Variants in SLC16A5 observed in about 807,000 individuals in gnomAD.
SLC16A5 encodes the protein monocarboxylate transporter 6.
SLC16A5 carries 29 observed loss-of-function variants against 33.2 expected under a neutral mutation model. The ratio of observed to expected loss-of-function variants is 0.87; its 90% CI spans 0.65 to 1.19. SLC16A5 has a LOEUF of 1.19. Ranked by LOEUF, SLC16A5 falls within the 50% of genes most tolerant of loss-of-function variation. SLC16A5 has a pLI of 0.00. For missense variants in SLC16A5, 606 were observed against 678.2 expected, an observed-to-expected ratio of 0.89 and a Z score of 1.18; for synonymous variants, 248 against 284.1, an observed-to-expected ratio of 0.87 and a Z score of 1.28.
At chr17:75,107,531 G>T (rs530099487), downstream of SLC16A5, among the ~76,000 whole-genome samples, 3 of 152,360 alleles carry the variant, frequency 2.0e-5, no homozygotes, top group South Asian at 2.1e-4. Flanking sequence ...CTGGCTGGGT[G>T]CGGTGGCTCA....
At position 75,100,456 on chromosome 17, in the gene SLC16A5, T is replaced by A. The variant is rs764627509; in HGVS notation, c.793T>A (p.Trp265Arg). Reference sequence around the variant, plus strand: ...AGTCTTCCTGGTGCCATATGCCATGTGGCACAGCGTGGACGAGCAGCAGGC... The same window carrying A: ...AGTCTTCCTGGTGCCATATGCCATGAGGCACAGCGTGGACGAGCAGCAGGC... ...PQVFLVPYAM[W>R]HSVDEQQAAL... The change falls in exon 5 of 7, where the codon TGG (tryptophan) becomes AGG (arginine). Residue 265 changes from tryptophan (W) to arginine (R), a missense_variant. By Grantham distance (101) the Trp-to-Arg change is moderately radical. Coordinates refer to ENST00000329783, the MANE Select transcript of SLC16A5 (RefSeq NM_004695.4). 1 of 1,614,270 alleles carries A rather than the reference T, an allele frequency of 6.2e-7. No individual in the cohort carries two copies. Among genetic ancestry groups the A allele is most frequent in the South Asian group, 1.1e-5 (1 of 91,092 alleles).
chr17:75,088,633 G>A (rs1189722937), intron 1 of SLC16A5, among the ~76,000 whole-genome samples: 4 of 152,108 alleles, frequency 2.6e-5, no homozygotes, highest in Non-Finnish European at 5.9e-5. Flanking sequence ...CAGGGCTCCA[G>A]CCCAGGAGCC....
At position 75,098,158 on chromosome 17, in the gene SLC16A5, A is replaced by G. The variant is rs771537934; in HGVS notation, c.320A>G (p.Tyr107Cys). 5.6e-6 allele frequency: 9 copies of G among 1,612,668 alleles called. No homozygotes were observed. In the Admixed American group the frequency reaches 1.0e-4, roughly 18 times the overall value. The change falls in exon 4 of 7, where the codon TAC becomes TGC. Residue 107 changes from tyrosine (Y) to cysteine (C), a missense_variant. Physicochemically the swap from Tyr to Cys is radical, Grantham distance 194. Transcript: ENST00000329783. ...SSFSHNLSQL[Y>C]FTAGFITGLG... ...TTCTCTCACAACCTCAGCCAGCTCT[A>G]CTTCACAGCAGGATTCATCACAGGT... is the stretch of plus-strand genomic sequence containing the variant.
chr17:75,103,988 C>A lies in SLC16A5; in HGVS notation c.1172C>A (p.Thr391Asn), dbSNP rs1228946025. The A allele has an allele frequency of 4.3e-6, 7 of 1,614,004 alleles. No individual in the cohort carries two copies. Among genetic ancestry groups the A allele is most frequent in the Non-Finnish European group, 4.2e-6 (5 of 1,179,984 alleles). Residue 391 changes from threonine (T) to asparagine (N), a missense_variant, in exon 6 of 7, where the codon ACC (threonine) becomes AAC (asparagine). Physicochemically the swap from Thr to Asn is moderately conservative, Grantham distance 65 (BLOSUM62 0). Transcript: ENST00000329783. Reference sequence around the variant, plus strand: ...TCCCCAGGGTTGCTCCTGGACGCCACCAACAACTTTAGCTATGTTTTCTAC... The same window carrying A: ...TCCCCAGGGTTGCTCCTGGACGCCAACAACAACTTTAGCTATGTTTTCTAC... Reference protein sequence around the residue: ...PPLAGLLLDATNNFSYVFYMS... With the variant: ...PPLAGLLLDANNNFSYVFYMS...
rs1415570436 is a variant in SLC16A5, at chr17:75,100,407, C to T, written c.744C>T (p.Ser248=). ...TGTACATACTGGGTGTGATGTGGTC[C>T]GTCCTGGGCTTCCCACTGCCACAAG... The part of the protein sequence containing the change: ...YCVYILGVMW[S]VLGFPLPQVF... Residue 248 remains serine, a synonymous_variant, in exon 5 of 7, where the codon TCC becomes TCT. Coordinates refer to ENST00000329783, the MANE Select transcript of SLC16A5 (RefSeq NM_004695.4). 15 of 1,614,110 alleles carry T rather than the reference C, an allele frequency of 9.3e-6. No individual in the cohort carries two copies. The highest frequency in any genetic ancestry group is 4.5e-5 in the East Asian group (2 of 44,898).
chr17:75,103,160 A>G (rs2073821192), intron 5 of SLC16A5, among the ~76,000 whole-genome samples: 1 of 152,014 alleles, frequency 6.6e-6, no homozygotes, highest in South Asian at 2.1e-4. Context: ...GAGTGCTGGG[A>G]TTACAGGTGT....
At position 75,100,749 on chromosome 17, in the gene SLC16A5, C is replaced by A; in HGVS notation, c.1086C>A (p.Phe362Leu). 3.1e-6 allele frequency: 5 copies of A among 1,614,028 alleles called. No individual in the cohort carries two copies. Among genetic ancestry groups the A allele is most frequent in the Non-Finnish European group, 4.2e-6 (5 of 1,179,970 alleles). ...VLMDIVPMDQ[F>L]PRALGLFTVL... ...TGGACATCGTCCCCATGGATCAGTT[C>A]CCCAGAGCCCTGGGACTCTTCACTG... is the stretch of plus-strand genomic sequence containing the variant. Residue 362 changes from phenylalanine (F) to leucine (L), a missense_variant, in exon 5 of 7, where the codon TTC (phenylalanine) becomes TTA (leucine). Coordinates refer to ENST00000329783, the MANE Select transcript of SLC16A5 (RefSeq NM_004695.4).
intron 6 of SLC16A5, chr17:75,105,320 C>T (rs1381120450): frequency 1.3e-5 from 13 of 985,292 alleles, no homozygotes; most frequent in Non-Finnish European, 1.6e-5. Context: ...GGATTAGTGC[C>T]AGGTGGGGGA....
At chr17:75,105,515 G>A in intron 6 of SLC16A5, 1 of 985,348 alleles carries the variant, frequency 1.0e-6, no homozygotes, top group Non-Finnish European at 1.2e-6. Context: ...ACTCACCCCT[G>A]CTCCCCGTAC....
Position 75,100,164 on chromosome 17 carries a change from C to A in SLC16A5, c.501C>A (p.Gly167=), listed in dbSNP as rs115284805. ...LLSRYLLENL[G]WRGTFLVFGG... ...CCCGCTACCTTCTGGAGAACCTGGGCTGGAGGGGTACCTTCCTTGTCTTCG... is the reference window on the plus strand; with the variant it reads ...CCCGCTACCTTCTGGAGAACCTGGGATGGAGGGGTACCTTCCTTGTCTTCG... The change falls in exon 5 of 7, where the codon GGC becomes GGA. Residue 167 remains glycine, a synonymous_variant. Transcript: ENST00000329783. 70 of 1,614,250 alleles carry A rather than the reference C, an allele frequency of 4.3e-5. 1 individual carries two copies. In the African/African-American group the frequency reaches 8.5e-4, roughly 20 times the overall value.
chr17:75,096,973 G>A (rs1035335330), intron 3 of SLC16A5, among the ~76,000 whole-genome samples: 1 of 149,092 alleles, frequency 6.7e-6, no homozygotes, highest in African/African-American at 2.5e-5. Context: ...TTACAGGCAC[G>A]CACCACCATG....
intron 6 of SLC16A5, chr17:75,104,413 C>CTA: frequency 3.0e-6 from 3 of 1,015,280 alleles, no homozygotes; most frequent in East Asian, 4.6e-5. Flanking sequence ...CCCTGAGAAA[C>CTA]TCTTTTTTTT....
At chr17:75,094,530 T>C (rs1376971617) in intron 3 of SLC16A5, among the ~76,000 whole-genome samples, 1 of 151,606 alleles carries the variant, frequency 6.6e-6, no homozygotes, top group Non-Finnish European at 1.5e-5. Flanking sequence ...CTACTGAAAA[T>C]ACAAAATTAG....
intron 2 of SLC16A5, among the ~76,000 whole-genome samples, chr17:75,092,061 G>A (rs1257851104): frequency 2.0e-5 from 3 of 150,862 alleles, no homozygotes; most frequent in Admixed American, 6.6e-5. Context: ...GCACGCATGC[G>A]CAGATGTGCA....
intron 5 of SLC16A5, among the ~76,000 whole-genome samples, chr17:75,101,606 C>T (rs1404192557): frequency 1.4e-5 from 2 of 147,602 alleles, no homozygotes; most frequent in African/African-American, 5.0e-5. Context: ...GTGTACCAAA[C>T]CTCAGTCCTC....
chr17:75,093,857 C>G (rs114376355), intron 3 of SLC16A5, 22 bp downstream of exon 3: 1 of 1,607,554 alleles, frequency 6.2e-7, no homozygotes, highest in Non-Finnish European at 8.5e-7. Flanking sequence ...AGGGAGGGGC[C>G]GATGAGAAAG....
At chr17:75,109,938 G>A (rs981473359), downstream of SLC16A5, 2 of 251,020 alleles carry the variant, frequency 8.0e-6, no homozygotes, top group Non-Finnish European at 1.6e-5. This position sits in a 1 kb window ranked among gnomAD's most constrained non-coding sequence, Gnocchi z 5.0. Flanking sequence ...CCCTTCGGGG[G>A]TAGGGACAGC....
chr17:75,105,230 GC>G lies in SLC16A5; in HGVS notation c.1365-644del, dbSNP rs1197738203. On this transcript the variant is annotated intron_variant, in intron 6 of 6. Transcript: ENST00000329783. Reference sequence around the variant, plus strand: ...ATCCTAGAATCGGTGAAGTCTGAGGGCCCCCCTGCAGTCTCAGCAGGACCTG... The same window carrying G: ...ATCCTAGAATCGGTGAAGTCTGAGGGCCCCCTGCAGTCTCAGCAGGACCTG... 3 of 985,296 alleles carry G rather than the reference GC, an allele frequency of 3.0e-6. No individual in the cohort carries two copies. The African/African-American group carries it at 5.2e-5, about 17-fold the overall frequency. 61.0% of individuals were successfully genotyped at this position (985,296 alleles called of 1,614,324 possible). A position where few individuals can be genotyped will look rare whatever the true frequency, so the allele number is the denominator to read the frequency against.
chr17:75,091,457 C>T (rs1222016354), intron 2 of SLC16A5, among the ~76,000 whole-genome samples: 5 of 152,122 alleles, frequency 3.3e-5, no homozygotes, highest in African/African-American at 9.7e-5. Context: ...GCAAGCAGTG[C>T]TCCGCCTTGC....
Sources: gnomAD v4.1 joint callset for allele counts (sites outside exome capture counted in the v4.1 genomes callset) on GRCh38, gnomAD v4.1.1 for gene constraint, Gnocchi (gnomAD v3.1) non-coding constraint, MANE v1.5 for transcripts, NCBI Gene and HGNC (gene_info 2026-07-23, HGNC 2026-07-21) for gene names.